GTF2F2: variants seen among roughly 807,000 people sequenced by gnomAD.
GTF2F2 encodes the protein general transcription factor IIF subunit 2.
A neutral mutation model predicts 42.2 loss-of-function variants in GTF2F2; 23 were observed. The ratio of observed to expected loss-of-function variants is 0.55; its 90% confidence interval spans 0.39 to 0.77. The LOEUF (loss-of-function observed/expected upper bound fraction) is 0.77. GTF2F2 is among the 30% of genes least tolerant of loss of function. The probability of loss-of-function intolerance (pLI) is 0.00; values close to 1 mark genes in which losing one functional copy is unlikely to be tolerated. For missense variants in GTF2F2, 261 were observed against 287.2 expected, an observed-to-expected ratio of 0.91 and a Z score of 0.66; for synonymous variants, 105 against 100.8, an observed-to-expected ratio of 1.04 and a Z score of -0.25.
chr13:45,238,781 C>T (rs907145196), intron 5 of GTF2F2, among the ~76,000 whole-genome samples: 7 of 151,770 alleles, frequency 4.6e-5, no homozygotes, highest in Non-Finnish European at 8.8e-5. Context: ...CTCGTCTCTA[C>T]TAAAAATACA....
chr13:45,272,922 A>G (rs1876860657), intron 7 of GTF2F2, among the ~76,000 whole-genome samples: 1 of 96,318 alleles, frequency 1.0e-5, no homozygotes, highest in African/African-American at 5.1e-5. Flanking sequence ...CACCTGGCTA[A>G]TTTTTTTTTT....
At chr13:45,229,293 C>T (rs1393116684) in intron 5 of GTF2F2, among the ~76,000 whole-genome samples, 1 of 151,610 alleles carries the variant, frequency 6.6e-6, no homozygotes, top group Non-Finnish European at 1.5e-5. Flanking sequence ...TTTTTTTGCC[C>T]CTTACTTCCC....
intron 6 of GTF2F2, among the ~76,000 whole-genome samples, chr13:45,260,320 A>G (rs996076161): frequency 2.6e-5 from 4 of 152,264 alleles, no homozygotes; most frequent in African/African-American, 9.6e-5. Flanking sequence ...GTTATAATAC[A>G]TAGTATAAGT....
intron 4 of GTF2F2, among the ~76,000 whole-genome samples, chr13:45,203,022 C>T (rs1873269783): frequency 6.6e-6 from 1 of 152,024 alleles, no homozygotes; most frequent in Non-Finnish European, 1.5e-5. Context: ...TAAGACAAGG[C>T]CTTTGCTTTG....
intron 5 of GTF2F2, among the ~76,000 whole-genome samples, chr13:45,241,184 A>AATATATATATATATAT (rs71697631): frequency 3.0e-4 from 43 of 143,884 alleles, no homozygotes; most frequent in African/African-American, 1.1e-3. Flanking sequence ...ATAAATATAA[A>AATATATATATATATAT]ATATATATAT....
intron 2 of GTF2F2, 119 bp downstream of exon 2, chr13:45,136,925 C>T (rs1869657068): frequency 3.1e-6 from 2 of 649,988 alleles, no homozygotes; most frequent in East Asian, 2.8e-5. Flanking sequence ...AAGTAATGAG[C>T]ATGTCAAGGC....
At chr13:45,246,201 CG>C (rs1344411762) in intron 5 of GTF2F2, among the ~76,000 whole-genome samples, 1 of 151,446 alleles carries the variant, frequency 6.6e-6, no homozygotes, top group Non-Finnish European at 1.5e-5. Context: ...TTAGTAGAGA[CG>C]GGGTTTCATC....
intron 1 of GTF2F2, among the ~76,000 whole-genome samples, chr13:45,122,936 G>A (rs150255454): frequency 3.3e-5 from 5 of 152,066 alleles, no homozygotes; most frequent in African/African-American, 1.2e-4. Context: ...GTTTTGAGCG[G>A]GAAAAAAATT....
At chr13:45,131,897 CAAAAA>C (rs765260379) in intron 1 of GTF2F2, among the ~76,000 whole-genome samples, 1,513 of 53,192 alleles carry the variant, frequency 0.028, 37 homozygotes, top group African/African-American at 0.073. Context: ...GACCCTGTCT[CAAAAA>C]AAAAAAAAAA....
At chr13:45,192,261 G>A (rs1285903758) in intron 4 of GTF2F2, among the ~76,000 whole-genome samples, 3 of 151,984 alleles carry the variant, frequency 2.0e-5, no homozygotes, top group Non-Finnish European at 4.4e-5. Context: ...TGTGGAATTT[G>A]GTTTTTAAAT....
At position 45,271,404 on chromosome 13, in the gene GTF2F2, G is replaced by A. The variant is rs1379426907; in HGVS notation, c.630+4028G>A. On this transcript the variant is annotated intron_variant, in intron 7 of 7. Transcript: ENST00000340473. ...TTTTATTTTATTTTATTTTATTTTT[G>A]AGACAGTCTTGCTCTGTCACCCAGG... 3.4e-5 allele frequency among the ~76,000 whole-genome samples: 5 copies of A among 147,066 alleles called. No individual in the cohort carries two copies. In the Admixed American group the frequency reaches 3.4e-4, roughly 10 times the overall value.
intron 6 of GTF2F2, among the ~76,000 whole-genome samples, chr13:45,259,426 C>CA (rs911695691): frequency 1.6e-4 from 24 of 151,210 alleles, no homozygotes; most frequent in East Asian, 1.6e-3. Flanking sequence ...AACTCCATCT[C>CA]AAAAAAAACA....
intron 4 of GTF2F2, among the ~76,000 whole-genome samples, chr13:45,191,224 A>AAAAAAAATATATATAT: frequency 2.7e-4 from 20 of 75,298 alleles, no homozygotes; most frequent in African/African-American, 8.0e-4. Flanking sequence ...ACAAAAAAAA[A>AAAAAAAATATATATAT]ATATATATAT....
chr13:45,140,324 C>CT (rs1869858889), intron 2 of GTF2F2, among the ~76,000 whole-genome samples: 1 of 152,194 alleles, frequency 6.6e-6, no homozygotes, highest in South Asian at 2.1e-4. Flanking sequence ...AGGGGGCCAA[C>CT]TGTAATATCT....
intron 4 of GTF2F2, among the ~76,000 whole-genome samples, chr13:45,174,385 AAATAG>A (rs2138148156): frequency 6.6e-6 from 1 of 152,302 alleles, no homozygotes; most frequent in South Asian, 2.1e-4. Flanking sequence ...GAAACAGCTG[AAATAG>A]AACATGTTCA....
chr13:45,131,436 ATGAAAGATGGGGAC>A (rs1229674320), intron 1 of GTF2F2, among the ~76,000 whole-genome samples: 1 of 152,208 alleles, frequency 6.6e-6, no homozygotes, highest in Non-Finnish European at 1.5e-5. Context: ...GTTGTTAAGT[ATGAAAGATGGGGAC>A]TAAACATTGG....
intron 2 of GTF2F2, among the ~76,000 whole-genome samples, chr13:45,148,819 C>T (rs1007801707): frequency 6.6e-6 from 1 of 151,892 alleles, no homozygotes; most frequent in African/African-American, 2.4e-5. Flanking sequence ...AATTTAAAAA[C>T]GTAATTCAAA....
At chr13:45,212,491 C>CTTTCTTTCTTTCTT in intron 5 of GTF2F2, among the ~76,000 whole-genome samples, 1 of 101,460 alleles carries the variant, frequency 9.9e-6, no homozygotes, top group Non-Finnish European at 2.2e-5. Flanking sequence ...TTCTTTCTTT[C>CTTTCTTTCTTTCTT]TTTCTTTCTT....
intron 5 of GTF2F2, among the ~76,000 whole-genome samples, chr13:45,227,131 A>C (rs562475215): frequency 8.5e-5 from 13 of 152,312 alleles, no homozygotes; most frequent in Non-Finnish European, 8.8e-5. Context: ...GCTGGATTAT[A>C]GGAAAATTAT....
Sources: allele counts gnomAD v4.1 joint callset (sites outside exome capture counted in the v4.1 genomes callset), GRCh38; gene constraint gnomAD v4.1.1; transcripts MANE v1.5; gene names NCBI Gene and HGNC (gene_info 2026-07-23, HGNC 2026-07-21).